AK7: variants seen among roughly 807,000 people sequenced by gnomAD.
The protein encoded by AK7 is adenylate kinase 7, also known as ATP-AMP transphosphorylase 7.
A neutral mutation model predicts 96.6 loss-of-function variants in AK7; 78 were observed. The ratio of observed to expected loss-of-function variants is 0.81; its 90% CI spans 0.67 to 0.97. AK7 has a LOEUF of 0.97. AK7 is among the 50% of genes least tolerant of loss of function. The probability of loss-of-function intolerance (pLI) is 0.00; values close to 1 mark genes in which losing one functional copy is unlikely to be tolerated. For synonymous variants in AK7, 302 were observed against 317.2 expected (o/e 0.95, Z 0.51); for missense variants, 855 against 887.9 (o/e 0.96, Z 0.47).
At chr14:96,432,561 C>A (rs538941355) in intron 5 of AK7, among the ~76,000 whole-genome samples, 2 of 152,094 alleles carry the variant, frequency 1.3e-5, no homozygotes, top group South Asian at 4.2e-4. Context: ...TTCCTTGAGC[C>A]CTTGTAAGGC....
chr14:96,458,314 A>C, intron 12 of AK7, 102 bp downstream of exon 12: 1 of 1,449,584 alleles, frequency 6.9e-7, no homozygotes, highest in Non-Finnish European at 9.2e-7. Flanking sequence ...ACTGAACTAC[A>C]GGCGGGCGCC....
At chr14:96,449,925 A>G (rs555294956) in intron 9 of AK7, 46 bp downstream of exon 9, 10 of 1,341,554 alleles carry the variant, frequency 7.5e-6, no homozygotes, top group Admixed American at 4.2e-5. Context: ...CTTTCTCAAT[A>G]ATATGGAGTA....
At chr14:96,405,002 A>G (rs11849441) in intron 3 of AK7, 137 bp downstream of exon 3, 4,576 of 455,184 alleles carry the variant, frequency 0.01, 193 homozygotes, top group African/African-American at 0.079. Context: ...TATGAAATCC[A>G]TGATAATAAT....
intron 9 of AK7, among the ~76,000 whole-genome samples, chr14:96,450,412 A>C (rs1893524209): frequency 6.7e-6 from 1 of 149,122 alleles, no homozygotes; most frequent in Non-Finnish European, 1.5e-5. Context: ...GAGACAGTCC[A>C]TCTCAAAATA....
At chr14:96,475,292 G>A (rs1449572845) in intron 14 of AK7, among the ~76,000 whole-genome samples, 1 of 152,216 alleles carries the variant, frequency 6.6e-6, no homozygotes, top group African/African-American at 2.4e-5. Flanking sequence ...AGAGGTCAAT[G>A]CCATTGAAAT....
chr14:96,447,899 A>G (rs2140104397), intron 8 of AK7, among the ~76,000 whole-genome samples: 1 of 151,674 alleles, frequency 6.6e-6, no homozygotes, highest in East Asian at 1.9e-4. Flanking sequence ...TCTCCTGGCT[A>G]CTCCCTATTC....
chr14:96,450,138 C>G (rs11160338), intron 9 of AK7, among the ~76,000 whole-genome samples: 1 of 151,806 alleles, frequency 6.6e-6, no homozygotes, highest in Non-Finnish European at 1.5e-5. Flanking sequence ...GTATTTGGGC[C>G]GGGCGCGGTG....
chr14:96,437,750 G>A, intron 5 of AK7, 85 bp from the exon 6 acceptor site: 1 of 960,292 alleles, frequency 1.0e-6, no homozygotes, highest in South Asian at 1.6e-5. Context: ...TTCTGAAAGT[G>A]CTCATTTTAA....
Position 96,398,255 on chromosome 14 carries a change from A to G in AK7, c.286A>G (p.Thr96Ala), listed in dbSNP as rs927249032. ...CCCGCGGCCTGACTTTGCGGTGGAG[A>G]CGTACTCTGTAAGTCCCGGAGGCTC... ...DSPRPDFAVE[T>A]YSAISREDLL... is the part of the protein sequence containing the mutation. The change falls in exon 2 of 18, where the codon ACG (threonine) becomes GCG (alanine). Residue 96 changes from threonine to alanine, a missense_variant. By Grantham distance (58) the Thr-to-Ala change is moderately conservative. Coordinates refer to ENST00000267584, the MANE Select transcript of AK7 (RefSeq NM_152327.5). 2 of 1,612,862 alleles carry G rather than the reference A, an allele frequency of 1.2e-6. No homozygotes were observed. Among genetic ancestry groups the G allele is most frequent in the Non-Finnish European group, 1.7e-6 (2 of 1,179,924 alleles).
At chr14:96,468,296 C>CTTT (rs67009492) in intron 12 of AK7, among the ~76,000 whole-genome samples, 1,112 of 98,524 alleles carry the variant, frequency 0.011, 40 homozygotes, top group African/African-American at 0.036. Context: ...GCACTCTTTC[C>CTTT]TTTTTTTTTT....
Position 96,408,373 on chromosome 14 carries a change from G to A in AK7, c.404-474G>A, listed in dbSNP as rs542898973. 9.2e-5 allele frequency among the ~76,000 whole-genome samples: 14 copies of A among 152,340 alleles called. No homozygotes were observed. The East Asian group carries it at 2.3e-3, about 25-fold the overall frequency. On this transcript the variant is annotated intron_variant, in intron 3 of 17. Transcript: ENST00000267584. ...TTCCCTCTATGATCCTGGGCAAACTGTGCCTCGGTTTCTGCATCTGTAACC... is the reference window on the plus strand; with the variant it reads ...TTCCCTCTATGATCCTGGGCAAACTATGCCTCGGTTTCTGCATCTGTAACC...
chr14:96,481,226 G>C (rs779801424), intron 15 of AK7, among the ~76,000 whole-genome samples: 1 of 152,226 alleles, frequency 6.6e-6, no homozygotes. Context: ...TGGGGTCAGA[G>C]TGGAATATTG....
intron 12 of AK7, among the ~76,000 whole-genome samples, chr14:96,464,287 TG>T (rs1894432382): frequency 6.6e-6 from 1 of 151,968 alleles, no homozygotes; most frequent in South Asian, 2.1e-4. Context: ...CCAGGCGCAG[TG>T]GCTCACACCA....
At chr14:96,478,340 A>C in intron 14 of AK7, 125 bp from the exon 15 acceptor site, 1 of 926,714 alleles carries the variant, frequency 1.1e-6, no homozygotes, top group Non-Finnish European at 1.7e-6. Context: ...AGCAAAGCCA[A>C]TTGGACAGGC....
chr14:96,485,154 T>C lies in AK7; in HGVS notation c.1975-1744T>C, dbSNP rs147599353. On this transcript the variant is annotated intron_variant, in intron 16 of 17. Coordinates refer to ENST00000267584, the MANE Select transcript of AK7 (RefSeq NM_152327.5). ...CCTTCTCTAAACCTGCTTTCTCAAT[T>C]TTACTCGCACATGTCAGGCTGATAA... Among the ~76,000 whole-genome samples, 737 of 152,338 alleles carry C rather than the reference T, an allele frequency of 4.8e-3. 8 individuals carry two copies. Among genetic ancestry groups the C allele is most frequent in the African/African-American group, 0.017 (710 of 41,574 alleles).
intron 15 of AK7, among the ~76,000 whole-genome samples, chr14:96,482,499 C>T (rs996681377): frequency 6.6e-6 from 1 of 152,176 alleles, no homozygotes; most frequent in Non-Finnish European, 1.5e-5. Context: ...TTGATACTAA[C>T]ATTTTTCAGA....
intron 10 of AK7, among the ~76,000 whole-genome samples, chr14:96,455,953 T>G (rs1002134201): frequency 2.0e-5 from 3 of 151,894 alleles, no homozygotes; most frequent in Admixed American, 1.3e-4. Flanking sequence ...CAAAAGGCAC[T>G]CCCAGCCAGA....
At chr14:96,472,430 CAGGTGTG>C (rs1312070349) in intron 13 of AK7, among the ~76,000 whole-genome samples, 2 of 152,224 alleles carry the variant, frequency 1.3e-5, no homozygotes, top group East Asian at 3.8e-4. Context: ...GTTGGGATTA[CAGGTGTG>C]AGCCATGATG....
At chr14:96,410,419 G>A (rs914860065) in intron 4 of AK7, among the ~76,000 whole-genome samples, 5 of 152,318 alleles carry the variant, frequency 3.3e-5, no homozygotes. Context: ...TTCAACAACG[G>A]ACTTCAGGAA....
Sources: gnomAD v4.1 joint callset for allele counts (sites outside exome capture counted in the v4.1 genomes callset) on GRCh38, gnomAD v4.1.1 for gene constraint, MANE v1.5 for transcripts, NCBI Gene and HGNC (gene_info 2026-07-23, HGNC 2026-07-21) for gene names.